Variants in ADGRG6 observed in about 807,000 individuals in gnomAD.
ADGRG6 encodes the protein adhesion G protein-coupled receptor G6.
Under a neutral mutation model 142.4 loss-of-function variants are expected in ADGRG6, and 84 were observed. That is an observed-to-expected ratio of 0.59 (90% CI 0.49 to 0.71). The LOEUF (loss-of-function observed/expected upper bound fraction) is 0.71. Ranked by LOEUF, ADGRG6 falls within the 30% of genes least tolerant of loss-of-function variation. ADGRG6 has a pLI of 0.00. For synonymous variants in ADGRG6, 521 were observed against 520.5 expected (o/e 1.00, Z -0.01); for missense variants, 1,367 against 1,466.6 (o/e 0.93, Z 1.11).
At position 142,419,817 on chromosome 6, in the gene ADGRG6, T is replaced by A. The variant is rs766517479; in HGVS notation, c.3036-4T>A. 1.2e-5 allele frequency: 19 copies of A among 1,592,572 alleles called. No homozygotes were observed. Among genetic ancestry groups the A allele is most frequent in the Non-Finnish European group, 1.5e-5 (18 of 1,168,642 alleles). On this transcript the variant is annotated splice_region_variant and splice_polypyrimidine_tract_variant and intron_variant, in intron 21 of 24. Coordinates refer to ENST00000367609, the MANE Select transcript of ADGRG6 (RefSeq NM_198569.3). ...TTTTTCTTTCTCATTTCTTCTTTTT[T>A]AAGCTGTTGGATTCAAGATCCAGTC...
At chr6:142,400,351 C>A in intron 10 of ADGRG6, 134 bp from the exon 11 acceptor site, 2 of 536,792 alleles carry the variant, frequency 3.7e-6, no homozygotes, top group Non-Finnish European at 6.7e-6. Context: ...TGAAGATAAA[C>A]ACTAATATTT....
chr6:142,403,584 A>T (rs1775646059), intron 13 of ADGRG6, among the ~76,000 whole-genome samples: 1 of 152,166 alleles, frequency 6.6e-6, no homozygotes, highest in Admixed American at 6.5e-5. Flanking sequence ...ATTTTCTTTA[A>T]AGCAGATATT....
At position 142,417,469 on chromosome 6, in the gene ADGRG6, T is replaced by C. The variant is rs961238645; in HGVS notation, c.3035+100T>C. 17 of 651,326 alleles carry C rather than the reference T, an allele frequency of 2.6e-5. No homozygotes were observed. The Admixed American group carries it at 3.9e-4, about 15-fold the overall frequency. The allele number at this position is 651,326 out of a possible 1,614,324, so 40.3% of individuals were successfully genotyped here. On this transcript the variant is annotated intron_variant, in intron 21 of 24. Coordinates refer to ENST00000367609, the MANE Select transcript of ADGRG6 (RefSeq NM_198569.3). ...TAACAAGGCTTTCATTTTAAAAGGT[T>C]GATGTTTATTCACATGACTGCCAAA...
intron 18 of ADGRG6, among the ~76,000 whole-genome samples, 190 bp from the exon 19 acceptor site, chr6:142,414,779 C>G (rs1339163039): frequency 6.6e-6 from 1 of 152,068 alleles, no homozygotes; most frequent in Non-Finnish European, 1.5e-5. Flanking sequence ...AGAAGTAATG[C>G]TGCATTTTTT....
intron 22 of ADGRG6, among the ~76,000 whole-genome samples, chr6:142,427,023 T>C (rs1776978556): frequency 1.3e-5 from 2 of 152,218 alleles, no homozygotes; most frequent in South Asian, 4.1e-4. Context: ...TGGGAAGGGC[T>C]ACTGCAAAGA....
intron 4 of ADGRG6, among the ~76,000 whole-genome samples, chr6:142,372,959 T>C (rs1316448790): frequency 6.6e-6 from 1 of 152,232 alleles, no homozygotes; most frequent in Non-Finnish European, 1.5e-5. Flanking sequence ...TGTTAATAAT[T>C]GCTAATACTT....
chr6:142,443,396 T>G lies in ADGRG6; in HGVS notation c.3634T>G (p.Ser1212Ala). The G allele has an allele frequency of 6.2e-7, 1 of 1,612,528 alleles. No homozygotes were observed. The highest frequency in any genetic ancestry group is 8.5e-7 in the Non-Finnish European group (1 of 1,178,726). Residue 1212 changes from serine (S) to alanine (A), a missense_variant, in exon 25 of 25, where the codon TCA (serine) becomes GCA (alanine). Ser to Ala is a moderately conservative substitution (Grantham distance 99, BLOSUM62 1). Transcript: ENST00000367609. ...GGCCCATGCTGATGGAGATCAAACA[T>G]CAATCATCCCTGTCCATCAGGTCAT... ...KLAHADGDQT[S>A]IIPVHQVIDK...
chr6:142,348,429 A>T (rs532463558), intron 2 of ADGRG6, among the ~76,000 whole-genome samples: 68 of 152,232 alleles, frequency 4.5e-4, no homozygotes, highest in African/African-American at 1.4e-3. Flanking sequence ...ATATTGGTAA[A>T]AAAAAGGAAA....
chr6:142,375,081 T>C (rs1781438959), intron 4 of ADGRG6, among the ~76,000 whole-genome samples: 1 of 152,132 alleles, frequency 6.6e-6, no homozygotes, highest in African/African-American at 2.4e-5. Flanking sequence ...CATCCACCCC[T>C]GTGCCCCTGG....
At chr6:142,340,789 T>C (rs922989155) in intron 2 of ADGRG6, among the ~76,000 whole-genome samples, 2 of 152,132 alleles carry the variant, frequency 1.3e-5, no homozygotes, top group South Asian at 2.1e-4. Context: ...TTTACAAGCT[T>C]AGAACATGTA....
intron 22 of ADGRG6, among the ~76,000 whole-genome samples, chr6:142,424,835 A>G (rs1776860274): frequency 1.3e-5 from 2 of 152,158 alleles, no homozygotes; most frequent in African/African-American, 4.8e-5. Context: ...AATTAAATAT[A>G]TTGCTCTATA....
chr6:142,408,116 T>G, intron 15 of ADGRG6, 34 bp from the exon 16 acceptor site: 1 of 1,509,860 alleles, frequency 6.6e-7, no homozygotes, highest in East Asian at 2.4e-5. Context: ...AGTGTACTTC[T>G]GACTGATACA....
chr6:142,427,652 A>G (rs1421339316), intron 22 of ADGRG6, among the ~76,000 whole-genome samples: 1 of 152,094 alleles, frequency 6.6e-6, no homozygotes, highest in Non-Finnish European at 1.5e-5. Flanking sequence ...CTGTTTTCAC[A>G]CTACGGATAA....
chr6:142,312,639 GTAAT>G (rs954474876), intron 2 of ADGRG6, among the ~76,000 whole-genome samples: 2 of 152,010 alleles, frequency 1.3e-5, no homozygotes, highest in Admixed American at 1.3e-4. Flanking sequence ...TTTTGGGAGA[GTAAT>G]TAGGTAACAC....
At chr6:142,418,295 T>TAAAAAAAAAAAAAAAAAAAAAAAAACA (rs541243272) in intron 21 of ADGRG6, among the ~76,000 whole-genome samples, 1 of 79,786 alleles carries the variant, frequency 1.3e-5, no homozygotes, top group Non-Finnish European at 2.5e-5. Flanking sequence ...AGACTCCATC[T>TAAAAAAAAAAAAAAAAAAAAAAAAACA]AAAAAAAAAA....
At chr6:142,419,293 C>T (rs959031798) in intron 21 of ADGRG6, among the ~76,000 whole-genome samples, 3 of 152,066 alleles carry the variant, frequency 2.0e-5, no homozygotes, top group African/African-American at 7.2e-5. Context: ...ATGCTGGCTG[C>T]GGCTCCATAG....
intron 22 of ADGRG6, among the ~76,000 whole-genome samples, chr6:142,425,696 G>A (rs1776904514): frequency 6.6e-6 from 1 of 152,018 alleles, no homozygotes; most frequent in South Asian, 2.1e-4. Context: ...GTGGCATCAG[G>A]GCATGTATTA....
At chr6:142,406,007 A>C (rs920539437) in intron 15 of ADGRG6, among the ~76,000 whole-genome samples, 179 bp downstream of exon 15, 3 of 152,008 alleles carry the variant, frequency 2.0e-5, no homozygotes, top group African/African-American at 7.3e-5. Context: ...TAATATGCTA[A>C]TTAACAAGTT....
At position 142,445,092 on chromosome 6, in the gene ADGRG6, A is replaced by G. The variant is rs1357544196; in HGVS notation, c.*1577A>G. ...ACCTCTCACCTTTTGCTGAGCTTCA[A>G]TCAGGAAGCTATTTGCCTGGCTCCA... is the stretch of plus-strand genomic sequence containing the variant. On this transcript the variant is annotated 3_prime_UTR_variant, in exon 25 of 25. Coordinates refer to ENST00000367609, the MANE Select transcript of ADGRG6 (RefSeq NM_198569.3). The G allele has an allele frequency of 3.3e-5, 5 of 152,150 alleles. No individual in the cohort carries two copies. Among genetic ancestry groups the G allele is most frequent in the African/African-American group, 1.2e-4 (5 of 41,456 alleles). 9.4% of individuals were successfully genotyped at this position (152,150 alleles called of 1,614,324 possible).
Sources: allele counts gnomAD v4.1 joint callset (sites outside exome capture counted in the v4.1 genomes callset), GRCh38; gene constraint gnomAD v4.1.1; transcripts MANE v1.5; gene names NCBI Gene and HGNC (gene_info 2026-07-23, HGNC 2026-07-21).